The following SHISA9 variants were observed in gnomAD, a reference collection of about 807,000 sequenced individuals.
The protein encoded by SHISA9 is protein shisa-9.
SHISA9 carries 13 observed loss-of-function variants against 38.0 expected under a neutral mutation model. The ratio of observed to expected loss-of-function variants is 0.34; its 90% CI spans 0.22 to 0.54. The LOEUF (loss-of-function observed/expected upper bound fraction) is 0.54, where lower values mean the gene tolerates loss of function less well. SHISA9 is among the 20% of genes least tolerant of loss of function. SHISA9 has a pLI of 0.91. For missense variants in SHISA9, 538 were observed against 575.8 expected (o/e 0.93, Z 0.67); for synonymous variants, 275 against 242.0 (o/e 1.14, Z -1.27).
the SHISA9 span, among the ~76,000 whole-genome samples, chr16:13,376,289 G>C: frequency 6.6e-6 from 1 of 152,188 alleles, no homozygotes. Flanking sequence ...ATATGTTCAG[G>C]TGATATTTTA....
At chr16:13,066,238 G>A (rs2073433477) in intron 2 of SHISA9, among the ~76,000 whole-genome samples, 1 of 152,182 alleles carries the variant, frequency 6.6e-6, no homozygotes, top group African/African-American at 2.4e-5. Context: ...TTCCTTATCT[G>A]CACTTGACAT....
intron 2 of SHISA9, among the ~76,000 whole-genome samples, chr16:13,085,880 A>G (rs60054126): frequency 0.021 from 3,154 of 152,318 alleles, 49 homozygotes; most frequent in Admixed American, 0.047. Flanking sequence ...ATAAGTAGTA[A>G]TGTCTCAAGA....
chr16:13,458,187 C>A, the SHISA9 span: 1 of 191,762 alleles, frequency 5.2e-6, no homozygotes, highest in Non-Finnish European at 1.0e-5. Flanking sequence ...ACCTATCAAA[C>A]CAAGCAGTAT....
the SHISA9 span, among the ~76,000 whole-genome samples, chr16:13,326,912 TCAGTAA>T: frequency 6.6e-6 from 1 of 152,134 alleles, no homozygotes; most frequent in Non-Finnish European, 1.5e-5. Flanking sequence ...TGCCTTATTA[TCAGTAA>T]CTCAGTGAAT....
chr16:13,166,173 C>T (rs1419583922), intron 2 of SHISA9, among the ~76,000 whole-genome samples: 1 of 152,150 alleles, frequency 6.6e-6, no homozygotes, highest in Non-Finnish European at 1.5e-5. Context: ...TAAATGAAGC[C>T]CAAGATTGTG....
chr16:13,469,413 G>GAAAGAAAGAAAGAA, the SHISA9 span, among the ~76,000 whole-genome samples: 1 of 113,592 alleles, frequency 8.8e-6, no homozygotes, highest in Admixed American at 8.1e-5. Context: ...AAGAAAGAAA[G>GAAAGAAAGAAAGAA]AAAGAAAGAA....
the SHISA9 span, among the ~76,000 whole-genome samples, chr16:13,555,569 C>T: frequency 3.3e-5 from 5 of 152,156 alleles, no homozygotes; most frequent in South Asian, 2.1e-4. Context: ...GTACAACAAG[C>T]GTGTCAGACA....
chr16:13,025,495 G>A (rs927756569), intron 2 of SHISA9, among the ~76,000 whole-genome samples: 10 of 152,314 alleles, frequency 6.6e-5, no homozygotes, highest in Middle Eastern at 3.4e-3. Context: ...AGAAAATAGC[G>A]ATGCCTCTGT....
chr16:13,102,436 C>G (rs1358744561), intron 2 of SHISA9, among the ~76,000 whole-genome samples: 9 of 152,140 alleles, frequency 5.9e-5, no homozygotes, highest in Admixed American at 5.9e-4. Flanking sequence ...CACCGCGTGG[C>G]CCAGGAGGTC....
At chr16:13,286,798 C>G in the SHISA9 span, among the ~76,000 whole-genome samples, 1 of 152,100 alleles carries the variant, frequency 6.6e-6, no homozygotes, top group East Asian at 1.9e-4. Context: ...TGACCTGATA[C>G]GTAAAGCCAT....
the SHISA9 span, among the ~76,000 whole-genome samples, chr16:13,521,754 C>G: frequency 1.2e-3 from 180 of 152,258 alleles, 1 homozygote; most frequent in African/African-American, 4.1e-3. Flanking sequence ...AACTGTTTCA[C>G]GTGTGTTACG....
chr16:12,940,559 C>T (rs545427680), intron 2 of SHISA9, among the ~76,000 whole-genome samples: 10 of 152,302 alleles, frequency 6.6e-5, no homozygotes, highest in African/African-American at 2.4e-4. Context: ...GACACAGAGG[C>T]AGAAGCTGCA....
intron 2 of SHISA9, among the ~76,000 whole-genome samples, chr16:13,070,170 G>A (rs1753595652): frequency 6.6e-6 from 1 of 150,852 alleles, no homozygotes; most frequent in South Asian, 2.1e-4. Context: ...ATGTGTCTGT[G>A]GAAACTGCCA....
chr16:13,307,620 A>T, the SHISA9 span, among the ~76,000 whole-genome samples: 176 of 152,354 alleles, frequency 1.2e-3, no homozygotes, highest in African/African-American at 4.2e-3. Context: ...CTAATCAGAC[A>T]AAAGTTCTTC....
chr16:13,323,851 A>G, the SHISA9 span, among the ~76,000 whole-genome samples: 1 of 152,174 alleles, frequency 6.6e-6, no homozygotes, highest in Non-Finnish European at 1.5e-5. Context: ...TGGGGATTAC[A>G]ATTCAAGATG....
At chr16:13,349,580 C>T in the SHISA9 span, among the ~76,000 whole-genome samples, 1,349 of 152,288 alleles carry the variant, frequency 8.9e-3, 20 homozygotes, top group African/African-American at 0.031. Context: ...AACAAGTGCC[C>T]TTTGAGTTAG....
At chr16:12,969,166 A>G (rs1463811353) in intron 2 of SHISA9, among the ~76,000 whole-genome samples, 1 of 151,404 alleles carries the variant, frequency 6.6e-6, no homozygotes, top group Non-Finnish European at 1.5e-5. Flanking sequence ...CAAAAGAAAA[A>G]AAAAAAAAGA....
chr16:13,039,628 A>C (rs570260819), intron 2 of SHISA9, among the ~76,000 whole-genome samples: 20 of 152,126 alleles, frequency 1.3e-4, no homozygotes, highest in African/African-American at 4.8e-4. Context: ...GCTGCCAAAC[A>C]TTTGCCTAAA....
chr16:13,551,599 A>G, the SHISA9 span, among the ~76,000 whole-genome samples: 1 of 152,218 alleles, frequency 6.6e-6, no homozygotes, highest in South Asian at 2.1e-4. Context: ...ACATTCATGT[A>G]CATAAGTACT....
Sources: allele counts gnomAD v4.1 joint callset (sites outside exome capture counted in the v4.1 genomes callset), GRCh38; gene constraint gnomAD v4.1.1; transcripts MANE v1.5; gene names NCBI Gene and HGNC (gene_info 2026-07-23, HGNC 2026-07-21).